The following MAF variants were observed in gnomAD, a reference collection of about 807,000 sequenced individuals.
The protein encoded by MAF is transcription factor Maf.
Under a neutral mutation model 22.0 loss-of-function variants are expected in MAF, and 10 were observed. The ratio of observed to expected loss-of-function variants is 0.45; its 90% CI spans 0.28 to 0.77. The LOEUF is 0.77. MAF is among the 30% of genes least tolerant of loss of function. MAF has a pLI of 0.12. For synonymous variants in MAF, 337 were observed against 255.8 expected (o/e 1.32, Z -3.03); for missense variants, 544 against 548.4 (o/e 0.99, Z 0.08).
the MAF span, among the ~76,000 whole-genome samples, chr16:79,223,756 C>G: frequency 6.6e-6 from 1 of 152,116 alleles, no homozygotes; most frequent in Admixed American, 6.5e-5. Flanking sequence ...ACTAGAAAAT[C>G]TAGAAGAAAT....
chr16:79,496,168 T>C, the MAF span, among the ~76,000 whole-genome samples: 1 of 152,156 alleles, frequency 6.6e-6, no homozygotes, highest in African/African-American at 2.4e-5. Context: ...GTATTTGTTA[T>C]GCAGCAGTAG....
At chr16:79,405,570 C>T in the MAF span, among the ~76,000 whole-genome samples, 2 of 152,274 alleles carry the variant, frequency 1.3e-5, no homozygotes, top group South Asian at 2.1e-4. Flanking sequence ...TGACCCACAC[C>T]GTTTATCCCT....
At chr16:79,247,644 C>G in the MAF span, among the ~76,000 whole-genome samples, 1 of 152,158 alleles carries the variant, frequency 6.6e-6, no homozygotes, top group Admixed American at 6.5e-5. Flanking sequence ...ACTGCTTAGC[C>G]GGTCTTACCA....
At chr16:79,399,936 C>G in the MAF span, among the ~76,000 whole-genome samples, 1 of 152,156 alleles carries the variant, frequency 6.6e-6, no homozygotes, top group Non-Finnish European at 1.5e-5. Context: ...TGGGTTAGTA[C>G]CTGCCCAAAT....
intron 1 of MAF, among the ~76,000 whole-genome samples, chr16:79,586,648 A>G (rs1287091170): frequency 3.3e-5 from 5 of 152,220 alleles, no homozygotes; most frequent in Admixed American, 2.6e-4. Flanking sequence ...TTAGCTTTCT[A>G]TGGTTCAAAA....
the MAF span, among the ~76,000 whole-genome samples, chr16:79,343,779 T>C: frequency 1.3e-5 from 2 of 152,200 alleles, no homozygotes; most frequent in Admixed American, 6.5e-5. Context: ...TTTTCTGTCT[T>C]TGGCAACAGG....
chr16:79,458,504 C>T, the MAF span, among the ~76,000 whole-genome samples: 378 of 152,222 alleles, frequency 2.5e-3, 2 homozygotes, highest in Non-Finnish European at 4.6e-3. Flanking sequence ...AGGTGAAAAA[C>T]AAGTTTGCCA....
the MAF span, among the ~76,000 whole-genome samples, chr16:79,570,774 G>A: frequency 6.6e-6 from 1 of 152,270 alleles, no homozygotes; most frequent in East Asian, 1.9e-4. Context: ...CAATACAACT[G>A]GTCCTTCTGA....
the MAF span, among the ~76,000 whole-genome samples, chr16:79,207,600 G>A: frequency 6.6e-6 from 1 of 152,164 alleles, no homozygotes; most frequent in African/African-American, 2.4e-5. Flanking sequence ...GATATGCCAT[G>A]ATATTGTGTC....
At chr16:79,586,385 G>C (rs1912843218) in intron 1 of MAF, among the ~76,000 whole-genome samples, 1 of 151,830 alleles carries the variant, frequency 6.6e-6, no homozygotes, top group Admixed American at 6.5e-5. Flanking sequence ...GCCGGTGTGT[G>C]CTAGGGTTCC....
chr16:79,590,282 C>G (rs1163787672), downstream of MAF, among the ~76,000 whole-genome samples: 1 of 152,206 alleles, frequency 6.6e-6, no homozygotes. Context: ...TCAGCATCCT[C>G]TCTGCCTACA....
the MAF span, among the ~76,000 whole-genome samples, chr16:79,535,283 G>A: frequency 5.3e-5 from 8 of 151,682 alleles, no homozygotes; most frequent in African/African-American, 1.7e-4. Context: ...ATGGCGCCTC[G>A]GTTTTCTGAT....
chr16:79,562,412 G>A, the MAF span, among the ~76,000 whole-genome samples: 1 of 152,158 alleles, frequency 6.6e-6, no homozygotes, highest in African/African-American at 2.4e-5. Context: ...ATAAGGAAAT[G>A]GCAAGTGAAC....
the MAF span, among the ~76,000 whole-genome samples, chr16:79,473,230 T>G: frequency 6.6e-6 from 1 of 152,078 alleles, no homozygotes; most frequent in Non-Finnish European, 1.5e-5. Context: ...GAGTCCTCAT[T>G]TCTCTTTGCA....
At chr16:79,412,431 G>C in the MAF span, among the ~76,000 whole-genome samples, 1 of 152,294 alleles carries the variant, frequency 6.6e-6, no homozygotes, top group East Asian at 1.9e-4. Flanking sequence ...ACAGACATTG[G>C]TTGAAATCCC....
chr16:79,270,904 T>G, the MAF span, among the ~76,000 whole-genome samples: 27 of 150,778 alleles, frequency 1.8e-4, 1 homozygote, highest in South Asian at 3.6e-3. Flanking sequence ...GCCAGAGTTT[T>G]TTTTTTTTTT....
chr16:79,595,843 A>G, intron 1 of MAF: 1 of 1,058,580 alleles, frequency 9.4e-7, no homozygotes, highest in South Asian at 4.6e-5. Flanking sequence ...CATAGTTTAA[A>G]CCAGATATGT....
chr16:79,581,172 A>G (rs1016088587), downstream of MAF, among the ~76,000 whole-genome samples: 7 of 152,340 alleles, frequency 4.6e-5, no homozygotes, highest in African/African-American at 1.7e-4. Context: ...AGGAGAGAGA[A>G]GAGGAAAAGA....
the MAF span, among the ~76,000 whole-genome samples, chr16:79,321,269 G>A: frequency 6.6e-6 from 1 of 152,184 alleles, no homozygotes; most frequent in African/African-American, 2.4e-5. Context: ...TAGGGGAATG[G>A]AATCCATCAC....
Sources: allele counts gnomAD v4.1 joint callset (sites outside exome capture counted in the v4.1 genomes callset), GRCh38; gene constraint gnomAD v4.1.1; transcripts MANE v1.5; gene names NCBI Gene and HGNC (gene_info 2026-07-23, HGNC 2026-07-21).